The following YAF2 variants were observed in gnomAD, a reference collection of about 807,000 sequenced individuals.
YAF2 encodes the protein YY1-associated factor 2.
YAF2 carries 7 observed loss-of-function variants against 20.1 expected under a neutral mutation model. That is an observed-to-expected ratio of 0.35 (90% CI 0.20 to 0.65). YAF2 has a LOEUF of 0.65. Ranked by LOEUF, YAF2 falls within the 30% of genes least tolerant of loss-of-function variation. The pLI is 0.69. For missense variants in YAF2, 151 were observed against 219.2 expected (o/e 0.69, Z 1.96); for synonymous variants, 74 against 76.0 (o/e 0.97, Z 0.14).
At chr12:42,200,352 T>C (rs762260212) in intron 2 of YAF2, among the ~76,000 whole-genome samples, 3 of 152,212 alleles carry the variant, frequency 2.0e-5, no homozygotes, top group African/African-American at 7.2e-5. Context: ...TCTTTATCTG[T>C]AAAGCTGAAC....
intron 2 of YAF2, among the ~76,000 whole-genome samples, chr12:42,211,670 G>C (rs190735961): frequency 6.7e-6 from 1 of 148,460 alleles, no homozygotes; most frequent in African/African-American, 2.5e-5. Context: ...GCTTGAACTC[G>C]GGAGGTGGAG....
At chr12:42,185,626 C>G (rs2137069577) in intron 2 of YAF2, among the ~76,000 whole-genome samples, 1 of 152,284 alleles carries the variant, frequency 6.6e-6, no homozygotes, top group South Asian at 2.1e-4. Context: ...CCATTAACAT[C>G]AAGACAAGAC....
chr12:42,224,302 G>A (rs1475095054), intron 2 of YAF2, among the ~76,000 whole-genome samples: 1 of 152,124 alleles, frequency 6.6e-6, no homozygotes, highest in Non-Finnish European at 1.5e-5. Context: ...TTTAGTTTCT[G>A]ATAGGCCCTT....
chr12:42,199,911 T>C (rs979522967), intron 2 of YAF2, among the ~76,000 whole-genome samples: 4 of 152,160 alleles, frequency 2.6e-5, no homozygotes, highest in Admixed American at 6.5e-5. Context: ...CAATTCAAGG[T>C]TATACAGTGT....
intron 2 of YAF2, among the ~76,000 whole-genome samples, chr12:42,165,630 A>AT (rs1233629552): frequency 3.3e-5 from 5 of 150,466 alleles, no homozygotes; most frequent in Middle Eastern, 6.8e-3. Context: ...TGCCCGGCTA[A>AT]TTTTTTTTTA....
intron 2 of YAF2, among the ~76,000 whole-genome samples, chr12:42,162,551 A>C (rs1448008884): frequency 6.6e-6 from 1 of 152,198 alleles, no homozygotes; most frequent in Non-Finnish European, 1.5e-5. Flanking sequence ...ATAGCAAGGA[A>C]AGAGGCAGAG....
At chr12:42,191,549 T>A (rs1224386266) in intron 2 of YAF2, among the ~76,000 whole-genome samples, 2 of 152,164 alleles carry the variant, frequency 1.3e-5, no homozygotes, top group Non-Finnish European at 1.5e-5. Flanking sequence ...CCTTTATACT[T>A]TTAACAAGCA....
At chr12:42,237,754 C>T in intron 1 of YAF2, 30 bp from the exon 2 acceptor site, 1 of 1,478,942 alleles carries the variant, frequency 6.8e-7, no homozygotes, top group Non-Finnish European at 9.0e-7. Flanking sequence ...CACGACGCGG[C>T]GCGGGGTCAC....
intron 2 of YAF2, among the ~76,000 whole-genome samples, chr12:42,190,975 T>C (rs1411232608): frequency 6.6e-6 from 1 of 152,102 alleles, no homozygotes; most frequent in African/African-American, 2.4e-5. Flanking sequence ...TAACCTATTT[T>C]AAAAAATGTT....
intron 2 of YAF2, among the ~76,000 whole-genome samples, chr12:42,228,389 T>C (rs866285559): frequency 0.021 from 385 of 17,950 alleles, no homozygotes; most frequent in Middle Eastern, 0.033. Context: ...GTGAGGAGCC[T>C]CTCTGCCCGG....
intron 3 of YAF2, chr12:42,161,095 A>C: frequency 2.4e-6 from 1 of 408,200 alleles, no homozygotes; most frequent in Non-Finnish European, 4.4e-6. Context: ...ATAATTTTGC[A>C]GACAGCTTAT....
chr12:42,180,586 G>A (rs1041519061), intron 2 of YAF2, among the ~76,000 whole-genome samples: 2 of 152,218 alleles, frequency 1.3e-5, no homozygotes, highest in South Asian at 2.1e-4. Flanking sequence ...ATGTCGGTAA[G>A]TAGCTAAGTT....
At chr12:42,169,761 T>C (rs1324329854) in intron 2 of YAF2, among the ~76,000 whole-genome samples, 1 of 152,108 alleles carries the variant, frequency 6.6e-6, no homozygotes, top group East Asian at 1.9e-4. Flanking sequence ...TTGAAGGATA[T>C]GGGTAATAAT....
intron 2 of YAF2, among the ~76,000 whole-genome samples, chr12:42,218,901 G>C (rs80029282): frequency 0.061 from 9,265 of 151,942 alleles, 372 homozygotes; most frequent in Middle Eastern, 0.088. Flanking sequence ...AGGAGGGAGA[G>C]AGAAAGGGCT....
intron 3 of YAF2, chr12:42,161,140 G>T: frequency 3.0e-6 from 1 of 329,776 alleles, no homozygotes; most frequent in Non-Finnish European, 5.6e-6. Flanking sequence ...AGACAACAAT[G>T]AAATAGTTGC....
intron 2 of YAF2, chr12:42,234,127 C>T (rs1271435562): frequency 3.5e-6 from 3 of 857,498 alleles, no homozygotes; most frequent in Non-Finnish European, 4.2e-6. Flanking sequence ...GCCGAGGTCA[C>T]GCCACTGTAC....
chr12:42,175,797 T>C (rs1347681297), intron 2 of YAF2, among the ~76,000 whole-genome samples: 4 of 140,358 alleles, frequency 2.8e-5, no homozygotes, highest in Admixed American at 2.2e-4. Flanking sequence ...TAGGTCCCAC[T>C]TAAATGAGGA....
At chr12:42,206,156 C>A (rs916738941) in intron 2 of YAF2, among the ~76,000 whole-genome samples, 2 of 152,008 alleles carry the variant, frequency 1.3e-5, no homozygotes. Context: ...TTAGCTGTGT[C>A]ATATCTTCTA....
At chr12:42,191,659 C>T (rs762586054) in intron 2 of YAF2, among the ~76,000 whole-genome samples, 40 of 152,128 alleles carry the variant, frequency 2.6e-4, no homozygotes, top group African/African-American at 5.8e-4. Flanking sequence ...TGCCAAGCAT[C>T]ACACTTAGTG....
Sources: gnomAD v4.1 joint callset for allele counts (sites outside exome capture counted in the v4.1 genomes callset) on GRCh38, gnomAD v4.1.1 for gene constraint, MANE v1.5 for transcripts, NCBI Gene and HGNC (gene_info 2026-07-23, HGNC 2026-07-21) for gene names.